FRMD4A: variants seen among roughly 807,000 people sequenced by gnomAD.
FRMD4A encodes FERM domain containing 4A, also known as FERM domain-containing protein 4A.
A neutral mutation model predicts 129.1 loss-of-function variants in FRMD4A; 29 were observed. The observed-to-expected ratio is 0.22, with a 90% CI of 0.17 to 0.31. The LOEUF is 0.31. Ranked by LOEUF, FRMD4A falls within the 10% of genes least tolerant of loss-of-function variation. The pLI, the probability that FRMD4A is intolerant of heterozygous loss-of-function variation, is 1.00. For missense variants in FRMD4A, 1,272 were observed against 1,375.8 expected, an observed-to-expected ratio of 0.92 and a Z score of 1.19; for synonymous variants, 634 against 571.6, an observed-to-expected ratio of 1.11 and a Z score of -1.56.
intron 2 of FRMD4A, among the ~76,000 whole-genome samples, chr10:13,862,935 TTTG>T (rs1279523470): frequency 3.1e-5 from 3 of 98,326 alleles, no homozygotes; most frequent in East Asian, 7.6e-4. Flanking sequence ...TTTGTTCTGT[TTTG>T]TTTTTTTTTT....
At chr10:13,862,201 A>G (rs946399031) in intron 2 of FRMD4A, among the ~76,000 whole-genome samples, 5 of 152,224 alleles carry the variant, frequency 3.3e-5, no homozygotes, top group African/African-American at 1.2e-4. Context: ...AACAGTTCTG[A>G]GCTTCGTTTT....
At chr10:14,088,422 G>A (rs1031596858) in intron 2 of FRMD4A, among the ~76,000 whole-genome samples, 9 of 151,198 alleles carry the variant, frequency 6.0e-5, no homozygotes, top group Non-Finnish European at 1.2e-4. Context: ...TCCAGCCTGG[G>A]TGACAGAACA....
At chr10:13,855,126 T>C (rs954321970) in intron 3 of FRMD4A, among the ~76,000 whole-genome samples, 21 of 152,188 alleles carry the variant, frequency 1.4e-4, no homozygotes, top group Non-Finnish European at 2.5e-4. Flanking sequence ...AAGTGCTATA[T>C]GGAATAAGCA....
chr10:13,819,359 C>T (rs2093595085), intron 3 of FRMD4A, among the ~76,000 whole-genome samples: 2 of 151,960 alleles, frequency 1.3e-5, no homozygotes, highest in Admixed American at 6.6e-5. Flanking sequence ...CCATTCTCCC[C>T]CTCCCCCTTC....
intron 2 of FRMD4A, among the ~76,000 whole-genome samples, chr10:13,911,699 C>G (rs1332345023): frequency 6.6e-6 from 1 of 152,114 alleles, no homozygotes; most frequent in African/African-American, 2.4e-5. Context: ...GTAGCTGGGA[C>G]TACAGGCACG....
intron 2 of FRMD4A, among the ~76,000 whole-genome samples, chr10:14,286,977 A>G (rs1845699703): frequency 6.6e-6 from 1 of 152,130 alleles, no homozygotes; most frequent in Non-Finnish European, 1.5e-5. Context: ...GGAACAACAC[A>G]TTTGCATTCT....
intron 17 of FRMD4A, 151 bp downstream of exon 17, chr10:13,670,255 T>C (rs1298538486): frequency 1.4e-6 from 1 of 707,530 alleles, no homozygotes; most frequent in East Asian, 3.0e-5. Context: ...AACCACATAC[T>C]GACCGGCCAG....
chr10:13,743,927 A>G (rs1436078403), intron 9 of FRMD4A, among the ~76,000 whole-genome samples: 1 of 152,140 alleles, frequency 6.6e-6, no homozygotes, highest in South Asian at 2.1e-4. Context: ...ACTCAAGGGG[A>G]TAACTAGCAG....
intron 2 of FRMD4A, among the ~76,000 whole-genome samples, chr10:14,273,860 AAC>A (rs1845248401): frequency 6.6e-6 from 1 of 152,210 alleles, no homozygotes; most frequent in Non-Finnish European, 1.5e-5. Context: ...TCAATCAACA[AAC>A]ACTTTTGAGC....
chr10:13,912,992 G>C (rs990900338), intron 2 of FRMD4A, among the ~76,000 whole-genome samples: 15 of 150,982 alleles, frequency 9.9e-5, no homozygotes, highest in Non-Finnish European at 1.2e-4. Context: ...AGAACCTCTT[G>C]AACTCGGGAG....
intron 4 of FRMD4A, among the ~76,000 whole-genome samples, chr10:13,807,938 A>T (rs1463149481): frequency 6.6e-6 from 1 of 151,886 alleles, no homozygotes; most frequent in Non-Finnish European, 1.5e-5. Flanking sequence ...AGCTAGGATT[A>T]TGGGCACATG....
intron 4 of FRMD4A, among the ~76,000 whole-genome samples, chr10:13,796,895 T>G (rs1467035385): frequency 2.0e-5 from 3 of 152,088 alleles, no homozygotes; most frequent in Non-Finnish European, 4.4e-5. Flanking sequence ...AATTTTTGTA[T>G]TTTTGGTAGA....
chr10:14,081,241 G>T (rs1588930686), intron 2 of FRMD4A, among the ~76,000 whole-genome samples: 2 of 152,074 alleles, frequency 1.3e-5, no homozygotes. Flanking sequence ...TGAAATGAAG[G>T]CAAAAGGACC....
At chr10:13,667,005 A>T (rs1312067776) in intron 17 of FRMD4A, among the ~76,000 whole-genome samples, 1 of 143,476 alleles carries the variant, frequency 7.0e-6, no homozygotes, top group Non-Finnish European at 1.5e-5. Flanking sequence ...ACTGCTTCCC[A>T]GGTTCAAATG....
intron 2 of FRMD4A, chr10:13,971,746 A>G (rs1565139934): frequency 7.7e-7 from 1 of 1,304,450 alleles, no homozygotes; most frequent in Non-Finnish European, 1.0e-6. Flanking sequence ...GCGCCCGACA[A>G]GTCAGGTTCC....
chr10:14,216,646 C>T (rs1431890363), intron 2 of FRMD4A, among the ~76,000 whole-genome samples: 1 of 152,114 alleles, frequency 6.6e-6, no homozygotes, highest in African/African-American at 2.4e-5. Context: ...TCGCAGCCAC[C>T]CGTTCGCCAG....
At chr10:13,963,189 A>G (rs1007872481) in intron 2 of FRMD4A, among the ~76,000 whole-genome samples, 5 of 152,170 alleles carry the variant, frequency 3.3e-5, no homozygotes, top group Non-Finnish European at 7.3e-5. Flanking sequence ...AATGCCTGAA[A>G]AAAACTAAAA....
At chr10:14,206,729 C>G (rs1162483984) in intron 2 of FRMD4A, among the ~76,000 whole-genome samples, 1 of 135,488 alleles carries the variant, frequency 7.4e-6, no homozygotes, top group Non-Finnish European at 1.5e-5. Flanking sequence ...ATCACTTGAA[C>G]TTGGGAGTCA....
At chr10:14,234,389 G>C (rs993429621) in intron 2 of FRMD4A, among the ~76,000 whole-genome samples, 2 of 152,158 alleles carry the variant, frequency 1.3e-5, no homozygotes, top group Admixed American at 1.3e-4. Context: ...ATTCAGTAAA[G>C]TTCTTATCAG....
Sources: gnomAD v4.1 joint callset for allele counts (sites outside exome capture counted in the v4.1 genomes callset) on GRCh38, gnomAD v4.1.1 for gene constraint, MANE v1.5 for transcripts, NCBI Gene and HGNC (gene_info 2026-07-23, HGNC 2026-07-21) for gene names.